Variants in DLGAP2 observed in about 807,000 individuals in gnomAD.
DLGAP2 encodes the protein disks large-associated protein 2.
Under a neutral mutation model 100.3 loss-of-function variants are expected in DLGAP2, and 26 were observed. The observed-to-expected ratio is 0.26, with a 90% CI of 0.19 to 0.36. DLGAP2 has a LOEUF of 0.36. Ranked by LOEUF, DLGAP2 falls within the 10% of genes least tolerant of loss-of-function variation. DLGAP2 has a pLI of 1.00. For synonymous variants in DLGAP2, 886 were observed against 630.1 expected (o/e 1.41, Z -6.08); for missense variants, 1,858 against 1,453.2 (o/e 1.28, Z -4.53).
chr8:1,257,787 A>G (rs1002289131), intron 2 of DLGAP2, among the ~76,000 whole-genome samples: 1 of 151,982 alleles, frequency 6.6e-6, no homozygotes, highest in Admixed American at 6.6e-5. Flanking sequence ...CGTGCAGGCC[A>G]GTGCTGTCCC....
chr8:1,528,321 G>T (rs1336578645), intron 4 of DLGAP2, among the ~76,000 whole-genome samples: 1 of 152,204 alleles, frequency 6.6e-6, no homozygotes, highest in Admixed American at 6.5e-5. Context: ...GAACACTCCT[G>T]GCTCACTGCC....
intron 1 of DLGAP2, among the ~76,000 whole-genome samples, chr8:773,593 C>T (rs1282335055): frequency 1.1e-4 from 17 of 149,096 alleles, no homozygotes; most frequent in African/African-American, 3.5e-4. Context: ...TGAGAATATG[C>T]GGTGTTTGGT....
intron 3 of DLGAP2, among the ~76,000 whole-genome samples, chr8:1,430,677 T>G (rs1207447780): frequency 6.6e-6 from 1 of 152,230 alleles, no homozygotes; most frequent in East Asian, 1.9e-4. Context: ...TTTCATACTT[T>G]CTTGAAGAAA....
chr8:796,342 C>G (rs1459656850), intron 1 of DLGAP2, among the ~76,000 whole-genome samples: 5 of 152,124 alleles, frequency 3.3e-5, no homozygotes, highest in Admixed American at 1.3e-4. Flanking sequence ...TGGGAGAATT[C>G]TTCTGTCACG....
intron 3 of DLGAP2, among the ~76,000 whole-genome samples, chr8:1,337,629 C>A (rs1425483748): frequency 1.6e-5 from 2 of 122,776 alleles, no homozygotes; most frequent in East Asian, 4.9e-4. Context: ...TTCATCCCCC[C>A]AAAAAATGGT....
chr8:805,839 A>T (rs1428687646), intron 1 of DLGAP2, among the ~76,000 whole-genome samples: 1 of 152,154 alleles, frequency 6.6e-6, no homozygotes, highest in Non-Finnish European at 1.5e-5. Context: ...TGTGATTTTT[A>T]AACGGTAGTT....
chr8:1,281,238 C>T (rs755047944), intron 3 of DLGAP2, among the ~76,000 whole-genome samples: 9 of 152,228 alleles, frequency 5.9e-5, no homozygotes, highest in Non-Finnish European at 8.8e-5. Flanking sequence ...AATACAGATA[C>T]CTTCAAAGTC....
intron 5 of DLGAP2, among the ~76,000 whole-genome samples, chr8:1,555,827 G>A (rs77735545): frequency 5.3e-5 from 8 of 152,266 alleles, no homozygotes; most frequent in Non-Finnish European, 1.2e-4. Flanking sequence ...GCTGATGGAT[G>A]TTGAAGGGTG....
intron 3 of DLGAP2, among the ~76,000 whole-genome samples, chr8:1,276,128 G>T (rs977526783): frequency 7.1e-6 from 1 of 141,262 alleles, no homozygotes; most frequent in South Asian, 2.2e-4. Context: ...ATATATAAAT[G>T]TATATAAACT....
chr8:1,576,381 T>A (rs568922526), intron 6 of DLGAP2, among the ~76,000 whole-genome samples: 2 of 152,248 alleles, frequency 1.3e-5, no homozygotes, highest in Non-Finnish European at 2.9e-5. Context: ...CTTTGTCAGA[T>A]GAGTAGATTG....
At chr8:1,095,166 G>C (rs1039683985) in intron 2 of DLGAP2, among the ~76,000 whole-genome samples, 13 of 152,042 alleles carry the variant, frequency 8.6e-5, no homozygotes, top group Non-Finnish European at 1.6e-4. Flanking sequence ...CTTCAGGAGG[G>C]AGATGAAGAT....
intron 3 of DLGAP2, among the ~76,000 whole-genome samples, chr8:1,267,629 T>TAAAAAAA: frequency 5.8e-5 from 1 of 17,288 alleles, no homozygotes; most frequent in African/African-American, 3.8e-4. Flanking sequence ...AAGATAAATA[T>TAAAAAAA]TAAATAGGTC....
intron 2 of DLGAP2, among the ~76,000 whole-genome samples, chr8:981,077 C>G (rs1800318220): frequency 6.6e-6 from 1 of 152,228 alleles, no homozygotes; most frequent in East Asian, 1.9e-4. Context: ...AGACTGGCTT[C>G]CTGTCCCCTG....
intron 2 of DLGAP2, among the ~76,000 whole-genome samples, chr8:1,177,058 T>A (rs1797276029): frequency 6.6e-6 from 1 of 152,188 alleles, no homozygotes; most frequent in Non-Finnish European, 1.5e-5. Context: ...CAAAAAATTA[T>A]ACTTTCTTTG....
intron 1 of DLGAP2, among the ~76,000 whole-genome samples, chr8:856,262 C>T (rs1415458383): frequency 4.7e-5 from 7 of 148,006 alleles, no homozygotes; most frequent in Non-Finnish European, 5.9e-5. Flanking sequence ...AATCTCAGCT[C>T]GCTACAACCT....
intron 2 of DLGAP2, among the ~76,000 whole-genome samples, chr8:942,840 G>A (rs988327770): frequency 6.6e-6 from 1 of 152,234 alleles, no homozygotes; most frequent in Non-Finnish European, 1.5e-5. Context: ...AGCCAGCAAA[G>A]GGAAAAGGTG....
intron 3 of DLGAP2, among the ~76,000 whole-genome samples, chr8:1,498,006 C>T (rs2130309139): frequency 6.6e-6 from 1 of 152,266 alleles, no homozygotes; most frequent in Non-Finnish European, 1.5e-5. Flanking sequence ...TTTAGGGAGA[C>T]ATAAGCCATT....
intron 1 of DLGAP2, among the ~76,000 whole-genome samples, chr8:888,053 T>C (rs780464902): frequency 6.6e-6 from 1 of 152,210 alleles, no homozygotes; most frequent in East Asian, 1.9e-4. Flanking sequence ...GTCCCACATT[T>C]CTTGGAGGCT....
chr8:1,357,472 G>T (rs1048171154), intron 3 of DLGAP2, among the ~76,000 whole-genome samples: 2 of 150,490 alleles, frequency 1.3e-5, no homozygotes, highest in East Asian at 3.9e-4. Context: ...CTAATGTACA[G>T]TGACTGCTAT....
Sources: gnomAD v4.1 joint callset for allele counts (sites outside exome capture counted in the v4.1 genomes callset) on GRCh38, gnomAD v4.1.1 for gene constraint, MANE v1.5 for transcripts, NCBI Gene and HGNC (gene_info 2026-07-23, HGNC 2026-07-21) for gene names.